The following ANKFN1 variants were observed in gnomAD, a reference collection of about 807,000 sequenced individuals.
ANKFN1 encodes ankyrin repeat and fibronectin type III domain containing 1, also known as ankyrin repeat and fibronectin type-III domain-containing protein 1.
In ANKFN1, 74 loss-of-function variants were observed where a neutral mutation model predicts 108.7. The ratio of observed to expected loss-of-function variants is 0.68; its 90% CI spans 0.56 to 0.83. ANKFN1 has a LOEUF of 0.83. Among genes scored for constraint, ANKFN1 ranks in the 40% least tolerant of loss-of-function variants. The pLI is 0.00. For synonymous variants in ANKFN1, 547 were observed against 516.2 expected (o/e 1.06, Z -0.81); for missense variants, 1,505 against 1,382.3 (o/e 1.09, Z -1.41).
In ANKFN1 at chr17:56,466,352, C is replaced by G. The variant is rs1328139410; in HGVS notation, c.1558-4C>G. 1.2e-6 allele frequency: 2 copies of G among 1,613,678 alleles called. No homozygotes were observed. Among genetic ancestry groups the G allele is most frequent in the East Asian group, 4.5e-5 (2 of 44,874 alleles). ...TATGCTACCGGTAATCCATTTGTTT[C>G]CAGAATTTACTTGGGACACACAACT... On this transcript the variant is annotated splice_region_variant and splice_polypyrimidine_tract_variant and intron_variant, in intron 14 of 20. Transcript: ENST00000682825.
intron 3 of ANKFN1, among the ~76,000 whole-genome samples, chr17:56,304,489 T>C (rs1294342724): frequency 6.6e-6 from 1 of 152,182 alleles, no homozygotes; most frequent in Non-Finnish European, 1.5e-5. Context: ...AAAGTCCTTA[T>C]TTCTCTGGGA....
chr17:56,439,421 A>G (rs968829731), intron 8 of ANKFN1, among the ~76,000 whole-genome samples: 2 of 151,820 alleles, frequency 1.3e-5, no homozygotes, highest in Non-Finnish European at 1.5e-5. Context: ...ATGATGCACA[A>G]TTTATCTTTC....
At chr17:56,238,830 C>T (rs997143377) in intron 3 of ANKFN1, among the ~76,000 whole-genome samples, 15 of 152,224 alleles carry the variant, frequency 9.9e-5, no homozygotes, top group South Asian at 2.1e-4. Context: ...AATTGCTCCC[C>T]GGCAAACTGG....
intron 4 of ANKFN1, among the ~76,000 whole-genome samples, chr17:56,145,678 C>T (rs1310968136): frequency 6.6e-6 from 1 of 152,170 alleles, no homozygotes; most frequent in Non-Finnish European, 1.5e-5. Context: ...TTTGGGTGGA[C>T]ACATAGCCAA....
At chr17:56,421,979 A>T (rs887512873) in intron 8 of ANKFN1, among the ~76,000 whole-genome samples, 1 of 152,152 alleles carries the variant, frequency 6.6e-6, no homozygotes, top group African/African-American at 2.4e-5. Flanking sequence ...TTTTGAAAGA[A>T]ATATGTCAGA....
At position 56,112,211 on chromosome 17, in the gene ANKFN1, A is replaced by C. The variant is rs558308298; in HGVS notation, c.288+65886A>C. Among the ~76,000 whole-genome samples the C allele has an allele frequency of 1.3e-4, 20 of 152,236 alleles. 1 individual carries two copies. Among genetic ancestry groups the C allele is most frequent in the Admixed American group, 2.6e-4 (4 of 15,282 alleles). The stretch of plus-strand genomic sequence containing the variant: ...AGAGTTATGCATTGTATAATTCCAG[A>C]GCTTGTTCATGGCTAAAAACCATTC... On this transcript the variant is annotated intron_variant, in intron 4 of 12. Transcript: ENST00000635860.
chr17:56,217,857 C>T (rs1276538281), intron 2 of ANKFN1, among the ~76,000 whole-genome samples: 1 of 152,070 alleles, frequency 6.6e-6, no homozygotes, highest in Non-Finnish European at 1.5e-5. Flanking sequence ...TCTGTGTTCC[C>T]TGAAGAATAA....
chr17:56,265,416 C>T (rs2043623459), intron 3 of ANKFN1, among the ~76,000 whole-genome samples: 1 of 152,190 alleles, frequency 6.6e-6, no homozygotes, highest in Admixed American at 6.5e-5. Flanking sequence ...TGGAGGAAAC[C>T]ATCCCCATGA....
chr17:56,229,589 A>G (rs1434717309), intron 3 of ANKFN1, among the ~76,000 whole-genome samples: 1 of 150,106 alleles, frequency 6.7e-6, no homozygotes, highest in East Asian at 2.0e-4. Flanking sequence ...ATGTAAATTT[A>G]AACACCCACG....
chr17:56,508,224 A>G (rs1215138121), intron 20 of ANKFN1, among the ~76,000 whole-genome samples: 1 of 152,172 alleles, frequency 6.6e-6, no homozygotes, highest in African/African-American at 2.4e-5. Flanking sequence ...CCTAGTTGCT[A>G]TCCTAAATCA....
At chr17:56,276,710 T>C (rs1383076972) in intron 3 of ANKFN1, among the ~76,000 whole-genome samples, 2 of 152,226 alleles carry the variant, frequency 1.3e-5, no homozygotes, top group Non-Finnish European at 2.9e-5. Flanking sequence ...TTTGTTTTTT[T>C]CTTGTAAATT....
At chr17:56,246,974 T>C (rs1404695891) in intron 3 of ANKFN1, among the ~76,000 whole-genome samples, 1 of 152,198 alleles carries the variant, frequency 6.6e-6, no homozygotes, top group Non-Finnish European at 1.5e-5. Context: ...GAAAACACAG[T>C]TAACTAGCTT....
At chr17:56,357,870 C>T (rs1029477514) in intron 6 of ANKFN1, among the ~76,000 whole-genome samples, 1 of 152,154 alleles carries the variant, frequency 6.6e-6, no homozygotes, top group Admixed American at 6.5e-5. Context: ...CATCATCTCC[C>T]TTGATCCTCA....
chr17:56,200,185 C>A (rs1913921666), intron 1 of ANKFN1, among the ~76,000 whole-genome samples: 2 of 152,176 alleles, frequency 1.3e-5, no homozygotes, highest in Admixed American at 6.5e-5. Context: ...AGTTTACTAA[C>A]TGCCAAAGAA....
intron 14 of ANKFN1, 41 bp downstream of exon 14, chr17:56,458,020 T>C: frequency 6.5e-7 from 1 of 1,541,100 alleles, no homozygotes; most frequent in Non-Finnish European, 8.9e-7. Flanking sequence ...AAGGAAAATA[T>C]TTTTAATGTA....
chr17:56,196,268 C>A (rs558481236), intron 1 of ANKFN1, among the ~76,000 whole-genome samples: 1 of 152,228 alleles, frequency 6.6e-6, no homozygotes, highest in East Asian at 1.9e-4. Context: ...GCAAAACAAC[C>A]ACCACCACCA....
chr17:56,076,016 C>G (rs16956633), intron 4 of ANKFN1, among the ~76,000 whole-genome samples: 3,096 of 152,250 alleles, frequency 0.02, 50 homozygotes, highest in South Asian at 0.039. Context: ...CAGGGCAGAA[C>G]AGAACTAATT....
At chr17:56,251,217 C>T (rs1292043799) in intron 3 of ANKFN1, among the ~76,000 whole-genome samples, 1 of 151,748 alleles carries the variant, frequency 6.6e-6, no homozygotes, top group Non-Finnish European at 1.5e-5. Flanking sequence ...ATGGTGAAAC[C>T]TCTGTCTCCA....
chr17:56,120,669 A>C (rs111916217), intron 4 of ANKFN1, among the ~76,000 whole-genome samples: 12 of 152,210 alleles, frequency 7.9e-5, no homozygotes, highest in African/African-American at 2.6e-4. Flanking sequence ...TTGATAGAGA[A>C]CTTCCTAGAA....
Sources: allele counts gnomAD v4.1 joint callset (sites outside exome capture counted in the v4.1 genomes callset), GRCh38; gene constraint gnomAD v4.1.1; transcripts MANE v1.5; gene names NCBI Gene and HGNC (gene_info 2026-07-23, HGNC 2026-07-21).